Variants in NDUFA9 observed in about 807,000 individuals in gnomAD.
NDUFA9 encodes NADH dehydrogenase [ubiquinone] 1 alpha subcomplex subunit 9, mitochondrial.
In NDUFA9, 23 loss-of-function variants were observed where a neutral mutation model predicts 45.9. The observed-to-expected ratio is 0.50, with a 90% CI of 0.36 to 0.71. The LOEUF (loss-of-function observed/expected upper bound fraction) is 0.71. Among genes scored for constraint, NDUFA9 ranks in the 30% least tolerant of loss-of-function variants. NDUFA9 has a pLI of 0.00. For synonymous variants in NDUFA9, 176 were observed against 170.5 expected, an observed-to-expected ratio of 1.03 and a Z score of -0.25; for missense variants, 466 against 488.2, an observed-to-expected ratio of 0.95 and a Z score of 0.43.
chr12:4,680,976 G>A (rs1237407191), intron 8 of NDUFA9, among the ~76,000 whole-genome samples: 1 of 152,146 alleles, frequency 6.6e-6, no homozygotes, highest in Admixed American at 6.5e-5. Flanking sequence ...TATATGTAAG[G>A]ATATAGTATG....
chr12:4,685,064 G>T (rs1358041737), intron 9 of NDUFA9, 195 bp from the exon 10 acceptor site: 1 of 694,228 alleles, frequency 1.4e-6, no homozygotes, highest in Non-Finnish European at 2.6e-6. Context: ...TACAGCAGCC[G>T]ACTGGGTTGG....
rs141104345 is a variant in NDUFA9 at position 4,664,226 on chromosome 12, G to A, written c.655+1591G>A. Among the ~76,000 whole-genome samples, 1,334 of 152,342 alleles carry A rather than the reference G, an allele frequency of 8.8e-3. 16 individuals carry two copies. Among genetic ancestry groups the A allele is most frequent in the Middle Eastern group, 0.024 (7 of 294 alleles). On this transcript the variant is annotated intron_variant, in intron 6 of 10. Coordinates refer to ENST00000266544, the MANE Select transcript of NDUFA9 (RefSeq NM_005002.5). ...TTGTTTTGAAGAGAACACTAAGAGT[G>A]TGGCTGAACAACCATTTGATGAAGA...
At chr12:4,685,006 G>T in intron 9 of NDUFA9, 1 of 609,908 alleles carries the variant, frequency 1.6e-6, no homozygotes. Flanking sequence ...TTCATTTTAA[G>T]TTTAAGATCT....
At chr12:4,667,320 T>G (rs1945858756) in intron 6 of NDUFA9, among the ~76,000 whole-genome samples, 1 of 152,158 alleles carries the variant, frequency 6.6e-6, no homozygotes, top group Non-Finnish European at 1.5e-5. Context: ...GGAACATATT[T>G]AAACCATAGC....
chr12:4,664,064 G>A (rs1167561526), intron 6 of NDUFA9, among the ~76,000 whole-genome samples: 2 of 152,162 alleles, frequency 1.3e-5, no homozygotes, highest in African/African-American at 2.4e-5. Flanking sequence ...AAATGCCTTG[G>A]TTCCTCCCGA....
chr12:4,671,212 T>C (rs1265808076), intron 8 of NDUFA9, among the ~76,000 whole-genome samples: 1 of 152,198 alleles, frequency 6.6e-6, no homozygotes, highest in Non-Finnish European at 1.5e-5. Context: ...TGTTGGTCCA[T>C]TCTATTTGCC....
intron 1 of NDUFA9, 39 bp from the exon 2 acceptor site, chr12:4,654,253 A>T (rs779882427): frequency 1.3e-6 from 2 of 1,550,732 alleles, no homozygotes; most frequent in South Asian, 2.4e-5. Flanking sequence ...AAAAATATTA[A>T]TATTTGCCAT....
Position 4,687,046 on chromosome 12 carries a change from A to C in NDUFA9, c.1072A>C (p.Thr358Pro). Reference sequence around the variant, plus strand: ...CATTGAGGTGCTGCGGCGTCATCGCACTTACCGCTGGCTGTCTGCTGAAAT... The same window carrying C: ...CATTGAGGTGCTGCGGCGTCATCGCCCTTACCGCTGGCTGTCTGCTGAAAT... The part of the protein sequence containing the change: ...KAIEVLRRHR[T>P]YRWLSAEIED... The change falls in exon 11 of 11, where the codon ACT (threonine) becomes CCT (proline). Residue 358 changes from threonine to proline, a missense_variant. Physicochemically the swap from Thr to Pro is conservative, Grantham distance 38. Coordinates refer to ENST00000266544, the MANE Select transcript of NDUFA9 (RefSeq NM_005002.5). 2 of 1,614,174 alleles carry C rather than the reference A, an allele frequency of 1.2e-6. No individual in the cohort carries two copies. Among genetic ancestry groups the C allele is most frequent in the Non-Finnish European group, 1.7e-6 (2 of 1,180,038 alleles).
chr12:4,693,576 A>C lies in NDUFA9; in HGVS notation c.*6468A>C, dbSNP rs942897802. On this transcript the variant is annotated 3_prime_UTR_variant, in exon 11 of 11. Transcript: ENST00000266544. ...GCTGACAGATGTCTGGGCCTTCTTG[A>C]CAGCAGGTGTTTAAAGCTGAATCTG... is the stretch of plus-strand genomic sequence containing the variant. 6.6e-6 allele frequency: 1 copy of C among 152,210 alleles called. No individual in the cohort carries two copies. The highest frequency in any genetic ancestry group is 6.5e-5 in the Admixed American group (1 of 15,280). 9.4% of individuals were successfully genotyped at this position (152,210 alleles called of 1,614,324 possible). A position where few individuals can be genotyped will look rare whatever the true frequency, so the allele number is the denominator to read the frequency against.
rs533479256 is a variant in NDUFA9, at chr12:4,692,743, T to C, written c.*5635T>C. ...GCCAGAATCCAGAGCATAGGTGGGA[T>C]TGTGTGGGCTGACAAGTAATAGTAT... is the stretch of plus-strand genomic sequence containing the variant. On this transcript the variant is annotated 3_prime_UTR_variant, in exon 11 of 11. Transcript: ENST00000266544. 6.6e-6 allele frequency: 1 copy of C among 152,328 alleles called. No homozygotes were observed. Among genetic ancestry groups the C allele is most frequent in the South Asian group, 2.1e-4 (1 of 4,824 alleles). 9.4% of individuals were successfully genotyped at this position (152,328 alleles called of 1,614,324 possible). A position where few individuals can be genotyped will look rare whatever the true frequency, so the allele number is the denominator to read the frequency against.
In NDUFA9 at chr12:4,654,437, G is replaced by A. The variant is rs1945777531; in HGVS notation, c.195G>A (p.Leu65=). The A allele has an allele frequency of 1.2e-6, 2 of 1,613,950 alleles. No individual in the cohort carries two copies. The highest frequency in any genetic ancestry group is 1.7e-6 in the Non-Finnish European group (2 of 1,179,986). The change falls in exon 2 of 11, where the codon CTG becomes CTA. Residue 65 remains leucine, a synonymous_variant. Transcript: ENST00000266544. ...CTGTGTTTGGAGCAACAGGATTCCTGGGGCGATATGTTGTCAACCACCTTG... is the reference window on the plus strand; with the variant it reads ...CTGTGTTTGGAGCAACAGGATTCCTAGGGCGATATGTTGTCAACCACCTTG... ...VATVFGATGF[L]GRYVVNHLGR...
chr12:4,684,734 G>C (rs1945974084), intron 9 of NDUFA9, among the ~76,000 whole-genome samples: 1 of 151,950 alleles, frequency 6.6e-6, no homozygotes, highest in Non-Finnish European at 1.5e-5. Flanking sequence ...GAAGATAGGT[G>C]GCCTTTTCCG....
intron 3 of NDUFA9, among the ~76,000 whole-genome samples, chr12:4,656,300 C>G (rs1178996225): frequency 6.6e-6 from 1 of 152,124 alleles, no homozygotes; most frequent in African/African-American, 2.4e-5. Flanking sequence ...TTAGCTTATT[C>G]CTAGTTCTTT....
At position 4,687,096 on chromosome 12, in the gene NDUFA9, C is replaced by A. The variant is rs139060466; in HGVS notation, c.1122C>A (p.Thr374=). The A allele has an allele frequency of 1.7e-5, 27 of 1,614,024 alleles. No homozygotes were observed. The African/African-American group carries it at 3.6e-4, about 22-fold the overall frequency. ...TTGAGGATGTGAAGCCGGCCAAGAC[C>A]GTCAACATTTAGTGCCTCCTGAGCA... ...AEIEDVKPAK[T]VNI Residue 374 remains threonine, a synonymous_variant, in exon 11 of 11, where the codon ACC becomes ACA. Transcript: ENST00000266544.
intron 9 of NDUFA9, among the ~76,000 whole-genome samples, chr12:4,682,927 G>A (rs1945962434): frequency 6.6e-6 from 1 of 152,158 alleles, no homozygotes; most frequent in African/African-American, 2.4e-5. Context: ...TTAGCTGGAT[G>A]TGGTGGCATC....
intron 5 of NDUFA9, among the ~76,000 whole-genome samples, chr12:4,662,058 G>T (rs1461187559): frequency 6.6e-6 from 1 of 152,202 alleles, no homozygotes; most frequent in African/African-American, 2.4e-5. Context: ...GCTAGTAGAT[G>T]ATAACAAGTA....
chr12:4,690,162 G>A lies in NDUFA9; in HGVS notation c.*3054G>A, dbSNP rs140219536. The A allele has an allele frequency of 2.0e-5, 3 of 152,278 alleles. No individual in the cohort carries two copies. The highest frequency in any genetic ancestry group is 4.4e-5 in the Non-Finnish European group (3 of 68,044). 9.4% of individuals were successfully genotyped at this position (152,278 alleles called of 1,614,324 possible). A position where few individuals can be genotyped will look rare whatever the true frequency, so the allele number is the denominator to read the frequency against. On this transcript the variant is annotated 3_prime_UTR_variant, in exon 11 of 11. Transcript: ENST00000266544. ...GAGACTTCAAGCCACACCTTTCTAGGGATTCAGGTTGCACATTACCTGATT... is the reference window on the plus strand; with the variant it reads ...GAGACTTCAAGCCACACCTTTCTAGAGATTCAGGTTGCACATTACCTGATT...
intron 5 of NDUFA9, 145 bp downstream of exon 5, chr12:4,659,322 G>A (rs1477328074): frequency 2.8e-6 from 2 of 727,034 alleles, no homozygotes; most frequent in Non-Finnish European, 4.3e-6. Flanking sequence ...AACTAGGGGT[G>A]TGTGTGATGT....
chr12:4,665,472 A>G (rs1945847663), intron 6 of NDUFA9, among the ~76,000 whole-genome samples: 1 of 152,236 alleles, frequency 6.6e-6, no homozygotes, highest in Non-Finnish European at 1.5e-5. Flanking sequence ...ATTTTGTTTA[A>G]TAAGCCATCC....
Sources: allele counts gnomAD v4.1 joint callset (sites outside exome capture counted in the v4.1 genomes callset), GRCh38; gene constraint gnomAD v4.1.1; transcripts MANE v1.5; gene names NCBI Gene and HGNC (gene_info 2026-07-23, HGNC 2026-07-21).